DIAPH2: variants seen among roughly 807,000 people sequenced by gnomAD.
DIAPH2 encodes protein diaphanous homolog 2.
DIAPH2 carries 35 observed loss-of-function variants against 92.7 expected under a neutral mutation model. The observed-to-expected ratio is 0.38, with a 90% CI of 0.29 to 0.50. DIAPH2 has a LOEUF of 0.50. Among genes scored for constraint, DIAPH2 ranks in the 20% least tolerant of loss-of-function variants. The probability of loss-of-function intolerance (pLI) is 0.94; values close to 1 mark genes in which losing one functional copy is unlikely to be tolerated. For missense variants in DIAPH2, 701 were observed against 819.5 expected, an observed-to-expected ratio of 0.86 and a Z score of 1.77; for synonymous variants, 301 against 280.4, an observed-to-expected ratio of 1.07 and a Z score of -0.73.
chrX:97,212,154 A>G (rs950597188), intron 22 of DIAPH2, among the ~76,000 whole-genome samples: 1 of 111,766 alleles, frequency 8.9e-6, no homozygotes, highest in African/African-American at 3.3e-5. Flanking sequence ...GTTATTTGAG[A>G]CAATATGGTA....
chrX:97,262,092 T>TAAAAAAAAAA (rs35665297), intron 23 of DIAPH2, among the ~76,000 whole-genome samples: 13 of 60,527 alleles, frequency 2.1e-4, no homozygotes, highest in Non-Finnish European at 2.3e-4. Flanking sequence ...GATGAGAAAC[T>TAAAAAAAAAA]AAAAAAAAAA....
At chrX:97,502,961 G>C (rs2070808980) in intron 26 of DIAPH2, among the ~76,000 whole-genome samples, 2 of 111,822 alleles carry the variant, frequency 1.8e-5, no homozygotes, top group African/African-American at 3.3e-5. Context: ...AAATAGTGTT[G>C]TTCCCATTAT....
chrX:97,429,791 C>T (rs2070107573), intron 26 of DIAPH2, 46 bp downstream of exon 26: 1 of 1,076,838 alleles, frequency 9.3e-7, no homozygotes, highest in East Asian at 3.2e-5. Flanking sequence ...TATGAATGTT[C>T]AGAGCAAAGT....
chrX:97,103,264 G>T (rs745832487), intron 20 of DIAPH2, among the ~76,000 whole-genome samples: 1 of 111,619 alleles, frequency 9.0e-6, no homozygotes, highest in Admixed American at 9.5e-5. Context: ...CAGAAAAAAA[G>T]AAAATCTTCA....
At chrX:97,382,561 C>A (rs1202840271) in intron 24 of DIAPH2, among the ~76,000 whole-genome samples, 1 of 111,862 alleles carries the variant, frequency 8.9e-6, no homozygotes, top group Admixed American at 9.5e-5. Flanking sequence ...GGTTGAGAAA[C>A]CCTGCTTTAA....
intron 4 of DIAPH2, among the ~76,000 whole-genome samples, chrX:96,869,557 CACTACTACTACTACT>C (rs58876338): frequency 3.1e-5 from 3 of 97,921 alleles, no homozygotes; most frequent in Admixed American, 1.2e-4. Context: ...CTACTACTAC[CACTACTACTACTACT>C]ACTACTACTA....
chrX:96,757,180 G>T (rs1274968056), intron 3 of DIAPH2, among the ~76,000 whole-genome samples: 2 of 111,097 alleles, frequency 1.8e-5, no homozygotes, highest in African/African-American at 6.6e-5. Context: ...GCCTCCCAAA[G>T]TGCTGGGATT....
At chrX:97,093,080 C>T (rs904232457) in intron 19 of DIAPH2, among the ~76,000 whole-genome samples, 3 of 107,996 alleles carry the variant, frequency 2.8e-5, no homozygotes, top group African/African-American at 6.8e-5. Context: ...CCCAACTGCT[C>T]GGGAGGCTGA....
chrX:97,514,066 G>C (rs1396777870), intron 26 of DIAPH2, among the ~76,000 whole-genome samples: 3 of 106,512 alleles, frequency 2.8e-5, no homozygotes, highest in Non-Finnish European at 5.8e-5. Context: ...TGCCTTGCTA[G>C]ATTGGGGAAA....
intron 14 of DIAPH2, among the ~76,000 whole-genome samples, chrX:96,947,712 T>C (rs868824711): frequency 5.3e-5 from 6 of 112,316 alleles, no homozygotes; most frequent in South Asian, 3.7e-4. Context: ...GAACATACTT[T>C]TGCATTGTTC....
At chrX:97,467,894 A>T (rs1270308231) in intron 26 of DIAPH2, among the ~76,000 whole-genome samples, 3 of 111,426 alleles carry the variant, frequency 2.7e-5, no homozygotes, top group African/African-American at 9.8e-5. Flanking sequence ...GCCTGCAATA[A>T]ATGTTTGCAG....
chrX:96,919,504 T>C (rs929312396), intron 9 of DIAPH2, among the ~76,000 whole-genome samples: 1 of 111,742 alleles, frequency 8.9e-6, no homozygotes, highest in Non-Finnish European at 1.9e-5. Flanking sequence ...TTAGTTCTCA[T>C]ATTGTTGTTC....
chrX:97,455,408 A>C (rs1210125303), intron 26 of DIAPH2, among the ~76,000 whole-genome samples: 1 of 111,895 alleles, frequency 8.9e-6, no homozygotes, highest in Non-Finnish European at 1.9e-5. Flanking sequence ...TTTTTCCTCA[A>C]ATGTGATGTT....
intron 22 of DIAPH2, among the ~76,000 whole-genome samples, chrX:97,146,773 A>G (rs139291134): frequency 2.4e-3 from 269 of 112,046 alleles, no homozygotes; most frequent in African/African-American, 8.2e-3. Context: ...ATAGTGGGGA[A>G]AAACACATCA....
rs1441571121 is a variant in DIAPH2, at chrX:96,982,000, T to G, written c.2050+16793T>G. ...CTATTAATTGGACCCAGTAAAAATG[T>G]ACCCACAAAAGACAGAACTGAATGA... On this transcript the variant is annotated intron_variant, in intron 17 of 26. Transcript: ENST00000324765. Among the ~76,000 whole-genome samples, 3 of 111,884 alleles carry G rather than the reference T, an allele frequency of 2.7e-5. No individual in the cohort carries two copies. In the Admixed American group the frequency reaches 2.8e-4, roughly 11 times the overall value.
chrX:97,131,101 C>G (rs1322020508), intron 21 of DIAPH2, among the ~76,000 whole-genome samples: 1 of 109,448 alleles, frequency 9.1e-6, no homozygotes, highest in Non-Finnish European at 1.9e-5. Flanking sequence ...AAAATCCTCT[C>G]TCAAAAAAAT....
intron 25 of DIAPH2, among the ~76,000 whole-genome samples, chrX:97,411,482 A>C (rs907636605): frequency 2.7e-5 from 3 of 112,065 alleles, no homozygotes; most frequent in African/African-American, 9.7e-5. Context: ...GGCTAGGAAG[A>C]AACTGCATCA....
intron 4 of DIAPH2, among the ~76,000 whole-genome samples, chrX:96,854,885 A>G: frequency 1.9e-5 from 2 of 107,718 alleles, no homozygotes. Flanking sequence ...GGAAGGGTAA[A>G]CAAAACTATG....
At chrX:97,298,570 A>G (rs1389164104) in intron 23 of DIAPH2, among the ~76,000 whole-genome samples, 36 of 102,627 alleles carry the variant, frequency 3.5e-4, no homozygotes, top group Non-Finnish European at 7.9e-5. Flanking sequence ...GATTTTATAT[A>G]TGTGTTTTTT....
Sources: gnomAD v4.1 joint callset for allele counts (sites outside exome capture counted in the v4.1 genomes callset) on GRCh38, gnomAD v4.1.1 for gene constraint, MANE v1.5 for transcripts, NCBI Gene and HGNC (gene_info 2026-07-23, HGNC 2026-07-21) for gene names.